Variants in WIZ observed in about 807,000 individuals in gnomAD.
The protein encoded by WIZ is WIZ zinc finger.
A neutral mutation model predicts 140.2 loss-of-function variants in WIZ; 25 were observed. The ratio of observed to expected loss-of-function variants is 0.18; its 90% CI spans 0.13 to 0.25. The LOEUF (loss-of-function observed/expected upper bound fraction) is 0.25. Among genes scored for constraint, WIZ ranks in the 10% least tolerant of loss-of-function variants. WIZ has a pLI of 1.00. For synonymous variants in WIZ, 1,125 were observed against 1,154.3 expected (o/e 0.97, Z 0.51); for missense variants, 2,231 against 2,632.6 (o/e 0.85, Z 3.34).
intron 2 of WIZ, among the ~76,000 whole-genome samples, chr19:15,444,077 G>A (rs1397289445): frequency 1.3e-5 from 2 of 152,236 alleles, no homozygotes; most frequent in Non-Finnish European, 2.9e-5. Flanking sequence ...ACACACTGGG[G>A]GAACTTGTGC....
chr19:15,424,694 C>A lies in WIZ; in HGVS notation c.5233G>T (p.Ala1745Ser). The A allele has an allele frequency of 6.3e-7, 1 of 1,585,732 alleles. No individual in the cohort carries two copies. The highest frequency in any genetic ancestry group is 8.5e-7 in the Non-Finnish European group (1 of 1,173,902). The change falls in exon 11 of 13, where the codon GCC (alanine) becomes TCC (serine). Residue 1745 changes from alanine (A) to serine (S), a missense_variant. Ala to Ser is a moderately conservative substitution (Grantham distance 99, BLOSUM62 1). Around this residue, in one of 15 missense-constraint regions of WIZ, gnomAD observed 299 missense variants for 309.6 expected, o/e 0.97. Coordinates refer to ENST00000673675, the MANE Select transcript of WIZ (RefSeq NM_001371589.1). This position sits in a 1 kb window ranked among gnomAD's most constrained non-coding sequence, Gnocchi z 9.7. ...GEPGPEAGRAADGGERPLAAS... is the reference protein window; with the variant it reads ...GEPGPEAGRASDGGERPLAAS... Reference sequence around the variant, plus strand: ...GCCAGAGGCCGCTCACCACCGTCGGCTGCCCGGCCAGCCTCGGGCCCTGGC... The same window carrying A: ...GCCAGAGGCCGCTCACCACCGTCGGATGCCCGGCCAGCCTCGGGCCCTGGC...
Position 15,428,331 on chromosome 19 carries a change from A to ATG in WIZ, c.3592_3593insCA (p.Val1198AlafsTer40). 6.5e-7 allele frequency: 1 copy of ATG among 1,534,378 alleles called. No individual in the cohort carries two copies. The highest frequency in any genetic ancestry group is 8.7e-7 in the Non-Finnish European group (1 of 1,146,398). On this transcript the variant is annotated frameshift_variant, in exon 8 of 13. Coordinates refer to ENST00000673675, the MANE Select transcript of WIZ (RefSeq NM_001371589.1). LOFTEE classifies it high-confidence loss of function. The surrounding 1 kb of genome is among the most constrained non-coding windows in gnomAD (Gnocchi z 6.4). ...GCGCCTGGGTGGGAGGCGGATCTGG[A>ATG]CGCCGTCCCTCCTGATGAGCCCGTG...
At chr19:15,437,288 C>A (rs1016364058) in intron 4 of WIZ, among the ~76,000 whole-genome samples, 159 bp from the exon 5 acceptor site, 1 of 152,198 alleles carries the variant, frequency 6.6e-6, no homozygotes, top group Non-Finnish European at 1.5e-5. Flanking sequence ...TGCATCCTCC[C>A]ACCCCATTCC....
At chr19:15,434,822 T>G (rs1022483610) in intron 5 of WIZ, among the ~76,000 whole-genome samples, 1 of 152,180 alleles carries the variant, frequency 6.6e-6, no homozygotes, top group Non-Finnish European at 1.5e-5. Context: ...ATAGGACTTA[T>G]GGATTTCCAA....
rs752798485 is a variant in WIZ, at chr19:15,440,088, G to A, written c.906C>T (p.Ala302=). The A allele has an allele frequency of 6.5e-7, 1 of 1,535,058 alleles. No homozygotes were observed. The part of the protein sequence containing the change: ...ELLEEVAEGV[A]SPDEDEDEEP... ...CCTCGTCCTCGTCCTCATCTGGGCT[G>A]GCCACCCCTTCGGCCACCTCCTCCA... Residue 302 remains alanine, a synonymous_variant, in exon 4 of 13, where the codon GCC becomes GCT. Coordinates refer to ENST00000673675, the MANE Select transcript of WIZ (RefSeq NM_001371589.1). This position sits in a 1 kb window ranked among gnomAD's most constrained non-coding sequence, Gnocchi z 6.2.
rs886556049 is a variant in WIZ at position 15,432,339 on chromosome 19, C to G, written c.2741-1157G>C. 2.1e-5 allele frequency: 15 copies of G among 721,454 alleles called. No individual in the cohort carries two copies. In the African/African-American group the frequency reaches 2.9e-4, roughly 14 times the overall value. 44.7% of individuals were successfully genotyped at this position (721,454 alleles called of 1,614,324 possible). A position where few individuals can be genotyped will look rare whatever the true frequency, so the allele number is the denominator to read the frequency against. ...TAAAGGGCCTGGGGGAGGGGGGGGT[C>G]CCGCAGACTGGACGGAAGGCGTCGG... On this transcript the variant is annotated intron_variant, in intron 5 of 12. Transcript: ENST00000673675.
chr19:15,433,339 TC>T (rs982996711), intron 5 of WIZ: 5 of 985,210 alleles, frequency 5.1e-6, no homozygotes, highest in Admixed American at 1.2e-4. Flanking sequence ...GGGGCTAGAA[TC>T]GGAACATTGC....
At position 15,440,009 on chromosome 19, in the gene WIZ, G is replaced by A. The variant is rs771970142; in HGVS notation, c.985C>T (p.His329Tyr). 32 of 1,535,730 alleles carry A rather than the reference G, an allele frequency of 2.1e-5. No homozygotes were observed. The East Asian group carries it at 7.1e-4, about 34-fold the overall frequency. The change falls in exon 4 of 13, where the codon CAC becomes TAC. Residue 329 changes from histidine (H) to tyrosine (Y), a missense_variant. Coordinates refer to ENST00000673675, the MANE Select transcript of WIZ (RefSeq NM_001371589.1). This position sits in a 1 kb window ranked among gnomAD's most constrained non-coding sequence, Gnocchi z 6.2. ...ECSIYFKQKE[H>Y]LLEHMSQHRR... ...TGCTGGCTCATGTGCTCCAGGAGGT[G>A]CTCCTTCTGCTTGAAGTAGATGCTG...
rs1291903335 is a variant in WIZ, at chr19:15,424,370, G to A, written c.5323C>T (p.Arg1775Cys). The change falls in exon 12 of 13, where the codon CGC (arginine) becomes TGC (cysteine). Residue 1775 changes from arginine (R) to cysteine (C), a missense_variant. This residue lies in a region of WIZ where 299 missense variants were observed against 309.6 expected (regional missense o/e 0.97). Transcript: ENST00000673675. The surrounding 1 kb of genome is among the most constrained non-coding windows in gnomAD (Gnocchi z 9.7). ...GCATCTGGAGGGCGGGCTTGTCGGC[G>A]TTCAAATTCTAAGGTGGAGAGGGGG... The part of the protein sequence containing the change: ...HQRQNINKFE[R>C]RQARPPDASA... The A allele has an allele frequency of 3.7e-6, 6 of 1,600,950 alleles. No homozygotes were observed. Among genetic ancestry groups the A allele is most frequent in the South Asian group, 2.2e-5 (2 of 90,024 alleles).
chr19:15,443,771 G>A (rs1969823588), intron 2 of WIZ, among the ~76,000 whole-genome samples: 1 of 152,186 alleles, frequency 6.6e-6, no homozygotes, highest in Admixed American at 6.5e-5. Context: ...CTGGCATGGA[G>A]CAAGTGCTCA....
chr19:15,426,220 A>G (rs1408853436), intron 9 of WIZ, among the ~76,000 whole-genome samples: 1 of 151,986 alleles, frequency 6.6e-6, no homozygotes, highest in Non-Finnish European at 1.5e-5. Context: ...GACGGTCTAA[A>G]ATGGGAACAG....
chr19:15,426,924 A>T, intron 9 of WIZ, 58 bp downstream of exon 9: 1 of 1,540,638 alleles, frequency 6.5e-7, no homozygotes, highest in Non-Finnish European at 8.8e-7. Context: ...CCCCAAGGGG[A>T]GGCAGGGAGG....
Position 15,439,119 on chromosome 19 carries a change from A to ATCCTCCTCC in WIZ, c.1866_1874dup (p.Glu622_Glu624dup), listed in dbSNP as rs753448130. ...AATCCATCTCGGAGGTCAGCACTAC[A>ATCCTCCTCC]TCCTCCTCCTCCTCCTCCTCCTCCT... is the stretch of plus-strand genomic sequence containing the variant. On this transcript the variant is annotated inframe_insertion, in exon 4 of 13. Coordinates refer to ENST00000673675, the MANE Select transcript of WIZ (RefSeq NM_001371589.1). This position sits in a 1 kb window ranked among gnomAD's most constrained non-coding sequence, Gnocchi z 7.0. 8 of 1,476,866 alleles carry ATCCTCCTCC rather than the reference A, an allele frequency of 5.4e-6. No homozygotes were observed. Among genetic ancestry groups the ATCCTCCTCC allele is most frequent in the Non-Finnish European group, 7.2e-6 (8 of 1,110,128 alleles). The allele number at this position is 1,476,866 out of a possible 1,614,324, so 91.5% of individuals were successfully genotyped here.
chr19:15,438,987 C>T lies in WIZ; in HGVS notation c.2007G>A (p.Glu669=), dbSNP rs1450350427. ...QAFREALQAV[E]ATQGQQQQLR... ...GCTGCTGCTGCTGCCCCTGGGTGGCCTCTACTGCCTGCAGGGCCTCTCGGA... is the reference window on the plus strand; with the variant it reads ...GCTGCTGCTGCTGCCCCTGGGTGGCTTCTACTGCCTGCAGGGCCTCTCGGA... The change falls in exon 4 of 13, where the codon GAG becomes GAA. Residue 669 remains glutamate, a synonymous_variant. Transcript: ENST00000673675. 2.7e-6 allele frequency: 4 copies of T among 1,470,016 alleles called. No homozygotes were observed. The highest frequency in any genetic ancestry group is 3.6e-6 in the Non-Finnish European group (4 of 1,113,950). The allele number at this position is 1,470,016 out of a possible 1,614,324, so 91.1% of individuals were successfully genotyped here.
rs559333900 is a variant in WIZ, at chr19:15,421,810, C to T, written c.*1266G>A. 6.6e-6 allele frequency: 1 copy of T among 152,404 alleles called. No individual in the cohort carries two copies. The highest frequency in any genetic ancestry group is 1.9e-4 in the East Asian group (1 of 5,176). 9.4% of individuals were successfully genotyped at this position (152,404 alleles called of 1,614,324 possible). On this transcript the variant is annotated 3_prime_UTR_variant, in exon 13 of 13. Transcript: ENST00000673675. ...CTCTAGCCTCAACTGCTTCTTGATC[C>T]TGGCTCCCTTCCCAGACAGGCTGCC...
At chr19:15,446,281 G>A (rs1022003484) in intron 2 of WIZ, among the ~76,000 whole-genome samples, 1 of 152,124 alleles carries the variant, frequency 6.6e-6, no homozygotes, top group African/African-American at 2.4e-5. Context: ...GCATCTGCGA[G>A]GTAGAGAAGA....
At position 15,424,035 on chromosome 19, in the gene WIZ, G is replaced by T; in HGVS notation, c.5510+148C>A. On this transcript the variant is annotated intron_variant, in intron 12 of 12. Coordinates refer to ENST00000673675, the MANE Select transcript of WIZ (RefSeq NM_001371589.1). This position sits in a 1 kb window ranked among gnomAD's most constrained non-coding sequence, Gnocchi z 9.7. ...TCTCGCAGGCTACAAAGCTCAGGGT[G>T]TCAGCCTTTAGCCTGAGCCCCACCA... 1 of 677,456 alleles carries T rather than the reference G, an allele frequency of 1.5e-6. No homozygotes were observed. Among genetic ancestry groups the T allele is most frequent in the Non-Finnish European group, 2.3e-6 (1 of 438,750 alleles). 42.0% of individuals were successfully genotyped at this position (677,456 alleles called of 1,614,324 possible). A position where few individuals can be genotyped will look rare whatever the true frequency, so the allele number is the denominator to read the frequency against.
Position 15,422,854 on chromosome 19 carries a change from A to T in WIZ, c.*222T>A. 1.6e-6 allele frequency: 1 copy of T among 625,110 alleles called. No homozygotes were observed. Among genetic ancestry groups the T allele is most frequent in the Non-Finnish European group, 2.7e-6 (1 of 371,508 alleles). The allele number at this position is 625,110 out of a possible 1,614,324, so 38.7% of individuals were successfully genotyped here. On this transcript the variant is annotated 3_prime_UTR_variant, in exon 13 of 13. Coordinates refer to ENST00000673675, the MANE Select transcript of WIZ (RefSeq NM_001371589.1). ...TGCTGGACCAGGTGGGCATGGGCTG[A>T]AGGAAGACACCCTGTGGCCCCAGAG...
In WIZ at chr19:15,424,651, G is replaced by T. The variant is rs777159671; in HGVS notation, c.5276C>A (p.Thr1759Asn). ...ERPLAASPPG[T>N]VKAEEHQRQN... Reference sequence around the variant, plus strand: ...CCGCTGGTGCTCCTCAGCCTTCACGGTGCCTGGCGGGCTGGCTGCCAGAGG... The same window carrying T: ...CCGCTGGTGCTCCTCAGCCTTCACGTTGCCTGGCGGGCTGGCTGCCAGAGG... Residue 1759 changes from threonine (T) to asparagine (N), a missense_variant, in exon 11 of 13, where the codon ACC becomes AAC. Around this residue, in one of 15 missense-constraint regions of WIZ, gnomAD observed 299 missense variants for 309.6 expected, o/e 0.97. Coordinates refer to ENST00000673675, the MANE Select transcript of WIZ (RefSeq NM_001371589.1). This position sits in a 1 kb window ranked among gnomAD's most constrained non-coding sequence, Gnocchi z 9.7. 1 of 1,592,238 alleles carries T rather than the reference G, an allele frequency of 6.3e-7. No homozygotes were observed. The highest frequency in any genetic ancestry group is 1.7e-5 in the Admixed American group (1 of 59,454).
Sources: gnomAD v4.1 joint callset for allele counts (sites outside exome capture counted in the v4.1 genomes callset) on GRCh38, gnomAD v4.1.1 for gene constraint, gnomAD v4.1.1 regional missense constraint, Gnocchi (gnomAD v3.1) non-coding constraint, MANE v1.5 for transcripts, NCBI Gene and HGNC (gene_info 2026-07-23, HGNC 2026-07-21) for gene names.